EBF2: variants seen among roughly 807,000 people sequenced by gnomAD.
EBF2 encodes the protein EBF transcription factor 2, also known as transcription factor COE2.
A neutral mutation model predicts 72.8 loss-of-function variants in EBF2; 21 were observed. The observed-to-expected ratio is 0.29, with a 90% CI of 0.20 to 0.42. The LOEUF (loss-of-function observed/expected upper bound fraction) is 0.42, where lower values mean the gene tolerates loss of function less well. Among genes scored for constraint, EBF2 ranks in the 10% least tolerant of loss-of-function variants. The probability of loss-of-function intolerance (pLI) is 1.00; values close to 1 mark genes in which losing one functional copy is unlikely to be tolerated. For missense variants in EBF2, 637 were observed against 731.2 expected (o/e 0.87, Z 1.49); for synonymous variants, 299 against 274.2 (o/e 1.09, Z -0.89).
At chr8:25,957,101 T>A (rs1198552612) in intron 6 of EBF2, among the ~76,000 whole-genome samples, 1 of 152,170 alleles carries the variant, frequency 6.6e-6, no homozygotes, top group Non-Finnish European at 1.5e-5. Context: ...AAGCACCCAC[T>A]TTTACTGTTT....
At chr8:25,967,290 C>CT (rs1804130095) in intron 6 of EBF2, among the ~76,000 whole-genome samples, 1 of 152,164 alleles carries the variant, frequency 6.6e-6, no homozygotes, top group East Asian at 1.9e-4. Flanking sequence ...AAACGGAGCT[C>CT]TTTTTTGGGT....
chr8:25,948,032 C>A (rs911861285), intron 6 of EBF2, among the ~76,000 whole-genome samples: 1 of 152,214 alleles, frequency 6.6e-6, no homozygotes, highest in Non-Finnish European at 1.5e-5. Flanking sequence ...AGGCCACGCA[C>A]GATGCCAGAA....
intron 6 of EBF2, among the ~76,000 whole-genome samples, chr8:26,028,914 G>T (rs1472980280): frequency 6.6e-6 from 1 of 152,222 alleles, no homozygotes; most frequent in Non-Finnish European, 1.5e-5. Context: ...TCAGCAGCAA[G>T]TCCTGCTAGG....
chr8:25,899,532 G>A (rs116672317), intron 7 of EBF2, among the ~76,000 whole-genome samples: 3,461 of 152,204 alleles, frequency 0.023, 136 homozygotes, highest in African/African-American at 0.077. Flanking sequence ...TTAAACTCTC[G>A]TTTCCCTCTC....
intron 6 of EBF2, among the ~76,000 whole-genome samples, chr8:25,982,230 C>T (rs1316280703): frequency 6.6e-6 from 1 of 152,200 alleles, no homozygotes; most frequent in Non-Finnish European, 1.5e-5. Context: ...AACTCCACTG[C>T]CAATTCTGTG....
intron 6 of EBF2, among the ~76,000 whole-genome samples, chr8:26,001,652 G>A (rs13260236): frequency 1.3e-5 from 2 of 151,816 alleles, no homozygotes; most frequent in Admixed American, 1.3e-4. Flanking sequence ...GAGTTCAAGC[G>A]ATTCTCCTGC....
Position 25,907,910 on chromosome 8 carries a change from C to T in EBF2, c.633+564G>A, listed in dbSNP as rs75450329. On this transcript the variant is annotated intron_variant, in intron 7 of 15. Coordinates refer to ENST00000520164, the MANE Select transcript of EBF2 (RefSeq NM_022659.4). ...TTGCCTCGCTCTGTTTTTATTAGCT[C>T]GTCTCCTCAGTACATCAGTGGCAAG... Among the ~76,000 whole-genome samples the T allele has an allele frequency of 7.7e-3, 1,177 of 152,180 alleles. 9 individuals are homozygous for T. Among genetic ancestry groups the T allele is most frequent in the Non-Finnish European group, 0.011 (750 of 68,014 alleles).
intron 10 of EBF2, 68 bp downstream of exon 10, chr8:25,886,687 C>A: frequency 6.6e-7 from 1 of 1,516,988 alleles, no homozygotes. Context: ...TTACAAAGTG[C>A]AGATACTGGG....
At chr8:25,853,900 G>A (rs1802032958) in intron 14 of EBF2, among the ~76,000 whole-genome samples, 1 of 151,744 alleles carries the variant, frequency 6.6e-6, no homozygotes, top group South Asian at 2.1e-4. Flanking sequence ...AATACAAATA[G>A]CAAAACTCTA....
Position 25,844,370 on chromosome 8 carries a change from A to C in EBF2, c.*239T>G, listed in dbSNP as rs768564267. The C allele has an allele frequency of 4.2e-6, 2 of 471,910 alleles. No individual in the cohort carries two copies. The highest frequency in any genetic ancestry group is 7.6e-6 in the Non-Finnish European group (2 of 263,898). 29.2% of individuals were successfully genotyped at this position (471,910 alleles called of 1,614,324 possible). The stretch of plus-strand genomic sequence containing the variant: ...AACAAAGAATTGCATTTCTGCTCTT[A>C]GCACTGACTACGTCAATGACATCTT... On this transcript the variant is annotated 3_prime_UTR_variant, in exon 16 of 16. Coordinates refer to ENST00000520164, the MANE Select transcript of EBF2 (RefSeq NM_022659.4).
intron 6 of EBF2, among the ~76,000 whole-genome samples, chr8:25,952,207 G>C (rs1484303997): frequency 1.3e-5 from 2 of 152,156 alleles, no homozygotes; most frequent in East Asian, 1.9e-4. Flanking sequence ...GAGGCAAGAG[G>C]ATCGCTTAAG....
At chr8:25,917,117 C>T (rs187220557) in intron 6 of EBF2, among the ~76,000 whole-genome samples, 1 of 151,992 alleles carries the variant, frequency 6.6e-6, no homozygotes, top group East Asian at 1.9e-4. Flanking sequence ...ATTTGATTCT[C>T]CACTTATTTC....
At chr8:25,995,690 A>G (rs1804614145) in intron 6 of EBF2, among the ~76,000 whole-genome samples, 1 of 152,104 alleles carries the variant, frequency 6.6e-6, no homozygotes, top group African/African-American at 2.4e-5. Context: ...TTATATGTAA[A>G]AAGATGTATA....
chr8:25,849,766 T>A (rs888673066), intron 15 of EBF2, among the ~76,000 whole-genome samples: 1 of 152,194 alleles, frequency 6.6e-6, no homozygotes. Flanking sequence ...GATGGATAAC[T>A]TTTGTTCTTA....
chr8:25,847,760 A>G (rs2117243622), intron 15 of EBF2, among the ~76,000 whole-genome samples: 1 of 152,300 alleles, frequency 6.6e-6, no homozygotes. Flanking sequence ...CCAGTGGCTA[A>G]TACTCTTTAA....
intron 10 of EBF2, among the ~76,000 whole-genome samples, chr8:25,863,827 A>T (rs1457712097): frequency 6.6e-6 from 1 of 152,152 alleles, no homozygotes; most frequent in Non-Finnish European, 1.5e-5. Context: ...TTTTTTGCAT[A>T]TGTCTTTCCA....
intron 6 of EBF2, among the ~76,000 whole-genome samples, chr8:25,929,012 C>A (rs1266231642): frequency 6.6e-6 from 1 of 152,094 alleles, no homozygotes; most frequent in Non-Finnish European, 1.5e-5. Flanking sequence ...ACTCAATAAC[C>A]AGGAGTTGTA....
At chr8:25,904,073 T>C (rs1482904738) in intron 7 of EBF2, among the ~76,000 whole-genome samples, 3 of 152,256 alleles carry the variant, frequency 2.0e-5, no homozygotes, top group Non-Finnish European at 2.9e-5. Context: ...GGATGCCTAT[T>C]GGGCTTTAAA....
In EBF2 at chr8:26,041,563, C is replaced by A. The variant is rs184049334; in HGVS notation, c.288+532G>T. ...GGCAAGGGATTTTCCTTTGGTCACA[C>A]ATAGGTTTCGGCGGACTGTCCTTCA... On this transcript the variant is annotated intron_variant, in intron 2 of 15. Coordinates refer to ENST00000520164, the MANE Select transcript of EBF2 (RefSeq NM_022659.4). 46 of 163,938 alleles carry A rather than the reference C, an allele frequency of 2.8e-4. 1 individual carries two copies. The East Asian group carries it at 6.6e-3, about 23-fold the overall frequency. 10.2% of individuals were successfully genotyped at this position (163,938 alleles called of 1,614,324 possible).
Sources: allele counts gnomAD v4.1 joint callset (sites outside exome capture counted in the v4.1 genomes callset), GRCh38; gene constraint gnomAD v4.1.1; transcripts MANE v1.5; gene names NCBI Gene and HGNC (gene_info 2026-07-23, HGNC 2026-07-21).